The following TACC1 variants were observed in gnomAD, a reference collection of about 807,000 sequenced individuals.
TACC1 encodes transforming acidic coiled-coil containing protein 1.
TACC1 carries 48 observed loss-of-function variants against 84.4 expected under a neutral mutation model. That is an observed-to-expected ratio of 0.57 (90% CI 0.45 to 0.72). The LOEUF (loss-of-function observed/expected upper bound fraction) is 0.72. Among genes scored for constraint, TACC1 ranks in the 30% least tolerant of loss-of-function variants. TACC1 has a pLI of 0.00. For missense variants in TACC1, 920 were observed against 973.0 expected, an observed-to-expected ratio of 0.95 and a Z score of 0.72; for synonymous variants, 372 against 376.3, an observed-to-expected ratio of 0.99 and a Z score of 0.13.
At chr8:38,811,578 T>C (rs1305790176) in intron 2 of TACC1, among the ~76,000 whole-genome samples, 1 of 152,228 alleles carries the variant, frequency 6.6e-6, no homozygotes, top group Non-Finnish European at 1.5e-5. Flanking sequence ...GAACATAAAT[T>C]GTGAAGATTT....
chr8:38,735,110 G>T (rs963286332), intron 1 of TACC1, among the ~76,000 whole-genome samples: 2 of 152,234 alleles, frequency 1.3e-5, no homozygotes, highest in African/African-American at 4.8e-5. Context: ...GTCAGGACTT[G>T]AGGCACGCAT....
At chr8:38,802,152 C>T (rs574578532) in intron 2 of TACC1, 3 of 152,412 alleles carry the variant, frequency 2.0e-5, no homozygotes, top group South Asian at 2.1e-4. Flanking sequence ...TTAAGTCATC[C>T]TCCTGTCTGC....
At chr8:38,750,367 A>G (rs1808809593) in intron 3 of TACC1, among the ~76,000 whole-genome samples, 2 of 152,218 alleles carry the variant, frequency 1.3e-5, no homozygotes, top group Admixed American at 1.3e-4. Context: ...TCCTACTACA[A>G]TGTGAAAAAT....
In TACC1 at chr8:38,773,609, T is replaced by G. The variant is rs547092348; in HGVS notation, c.27-15095T>G. Among the ~76,000 whole-genome samples the G allele has an allele frequency of 2.1e-4, 32 of 151,656 alleles. 1 individual carries two copies. The highest frequency in any genetic ancestry group is 7.1e-4 in the African/African-American group (29 of 41,096). Reference sequence around the variant, plus strand: ...ATCTAGCTATCTATCTATCTAGCTATCTATCTAGCTATCTATCTGTTGTTC... The same window carrying G: ...ATCTAGCTATCTATCTATCTAGCTAGCTATCTAGCTATCTATCTGTTGTTC... On this transcript the variant is annotated intron_variant, in intron 3 of 14. Transcript: ENST00000518415.
upstream of TACC1, among the ~76,000 whole-genome samples, chr8:38,786,486 G>A (rs900685683): frequency 1.3e-5 from 2 of 152,178 alleles, no homozygotes; most frequent in Non-Finnish European, 2.9e-5. Flanking sequence ...AGGATCGCTT[G>A]TGGCCAAGAG....
chr8:38,751,153 G>A (rs943083781), intron 3 of TACC1, among the ~76,000 whole-genome samples: 3 of 152,008 alleles, frequency 2.0e-5, no homozygotes, highest in African/African-American at 7.2e-5. Flanking sequence ...ACTTCCCAAG[G>A]TGGCCAATTT....
At chr8:38,835,266 A>AG in intron 6 of TACC1, among the ~76,000 whole-genome samples, 1 of 152,242 alleles carries the variant, frequency 6.6e-6, no homozygotes, top group East Asian at 1.9e-4. Flanking sequence ...AAAAAAAAAA[A>AG]AAAGTTTACT....
chr8:38,729,500 A>G (rs1387526570), intron 1 of TACC1, among the ~76,000 whole-genome samples: 5 of 152,230 alleles, frequency 3.3e-5, no homozygotes, highest in African/African-American at 1.2e-4. Context: ...TGGCTTCTGC[A>G]TAAGGAGTAC....
At chr8:38,811,884 G>A (rs180946306) in intron 2 of TACC1, among the ~76,000 whole-genome samples, 18 of 152,246 alleles carry the variant, frequency 1.2e-4, no homozygotes, top group Non-Finnish European at 5.9e-5. Flanking sequence ...GCCTATAAAC[G>A]GACATGCAAG....
intron 3 of TACC1, 149 bp from the exon 4 acceptor site, chr8:38,825,159 C>A (rs1161136526): frequency 7.8e-6 from 6 of 771,248 alleles, no homozygotes; most frequent in African/African-American, 1.7e-5. Context: ...TAAAAGGTGT[C>A]CCTGCCTCTC....
intron 11 of TACC1, among the ~76,000 whole-genome samples, chr8:38,845,967 G>A (rs1832147154): frequency 6.6e-6 from 1 of 152,210 alleles, no homozygotes; most frequent in Admixed American, 6.5e-5. Context: ...CAGTTTAATG[G>A]CTGTTCATCA....
At chr8:38,832,128 T>G (rs1453454526) in intron 6 of TACC1, among the ~76,000 whole-genome samples, 1 of 152,220 alleles carries the variant, frequency 6.6e-6, no homozygotes, top group Non-Finnish European at 1.5e-5. Context: ...TTCTTAAACT[T>G]TAAACTTCCT....
chr8:38,772,898 C>T (rs1210855597), intron 3 of TACC1, among the ~76,000 whole-genome samples: 1 of 151,704 alleles, frequency 6.6e-6, no homozygotes, highest in Non-Finnish European at 1.5e-5. Flanking sequence ...TTTAAACATG[C>T]ATAAAGTACT....
intron 3 of TACC1, among the ~76,000 whole-genome samples, chr8:38,757,579 C>T (rs1157316667): frequency 6.6e-6 from 1 of 151,990 alleles, no homozygotes; most frequent in African/African-American, 2.4e-5. Flanking sequence ...AGCAGGGCCC[C>T]AGGGGCGTCC....
upstream of TACC1, among the ~76,000 whole-genome samples, chr8:38,787,030 C>T (rs1373574855): frequency 4.0e-5 from 6 of 151,724 alleles, no homozygotes; most frequent in Non-Finnish European, 7.4e-5. Flanking sequence ...CGAATCTCCC[C>T]GCGCAGCCGG....
chr8:38,801,490 T>C (rs1278885196), intron 2 of TACC1, among the ~76,000 whole-genome samples: 3 of 152,224 alleles, frequency 2.0e-5, no homozygotes, highest in Non-Finnish European at 4.4e-5. Context: ...CCCTATACAA[T>C]TAACTTTGCA....
At chr8:38,809,038 C>T (rs778962852) in intron 2 of TACC1, among the ~76,000 whole-genome samples, 5 of 152,038 alleles carry the variant, frequency 3.3e-5, no homozygotes, top group Non-Finnish European at 5.9e-5. Flanking sequence ...CAAGAAATGA[C>T]TGGGCCGGGG....
intron 2 of TACC1, among the ~76,000 whole-genome samples, chr8:38,806,741 G>T (rs986440722): frequency 6.6e-6 from 1 of 152,078 alleles, no homozygotes; most frequent in Admixed American, 6.6e-5. Context: ...TGGAATATGC[G>T]GTTCTCTTCT....
intron 12 of TACC1, 30 bp from the exon 13 acceptor site, chr8:38,847,925 G>C: frequency 6.3e-7 from 1 of 1,592,852 alleles, no homozygotes; most frequent in African/African-American, 1.3e-5. Flanking sequence ...ATACAAAGTG[G>C]CCTGCATAAT....
Sources: allele counts gnomAD v4.1 joint callset (sites outside exome capture counted in the v4.1 genomes callset), GRCh38; gene constraint gnomAD v4.1.1; transcripts MANE v1.5; gene names NCBI Gene and HGNC (gene_info 2026-07-23, HGNC 2026-07-21).